Variants in BTBD8 observed in about 807,000 individuals in gnomAD.
BTBD8 encodes BTB domain containing 8, also known as BTB/POZ domain-containing protein 8.
BTBD8 carries 110 observed loss-of-function variants against 162.9 expected under a neutral mutation model. The observed-to-expected ratio is 0.68, with a 90% CI of 0.58 to 0.79. The LOEUF is 0.79. Among genes scored for constraint, BTBD8 ranks in the 30% least tolerant of loss-of-function variants. The pLI is 0.00. For missense variants in BTBD8, 1,905 were observed against 2,085.4 expected (o/e 0.91, Z 1.68); for synonymous variants, 667 against 716.1 (o/e 0.93, Z 1.10).
chr1:92,169,005 C>G lies in BTBD8; in HGVS notation c.1573+10C>G. ...CAGAAAATCCAAGCAGGTACGTTAG[C>G]CTTGAGATATTTCAATTCTTATGTA... On this transcript the variant is annotated intron_variant, in intron 12 of 17. Transcript: ENST00000636805. 6.6e-7 allele frequency: 1 copy of G among 1,515,420 alleles called. No individual in the cohort carries two copies. Among genetic ancestry groups the G allele is most frequent in the South Asian group, 1.2e-5 (1 of 80,604 alleles). The allele number at this position is 1,515,420 out of a possible 1,614,324, so 93.9% of individuals were successfully genotyped here.
chr1:92,107,491 G>A (rs1208783208), intron 3 of BTBD8, among the ~76,000 whole-genome samples: 1 of 152,118 alleles, frequency 6.6e-6, no homozygotes, highest in Non-Finnish European at 1.5e-5. Context: ...GTAACATGCG[G>A]TACTGGTTTA....
At chr1:92,164,566 C>T (rs998092108) in intron 9 of BTBD8, among the ~76,000 whole-genome samples, 4 of 151,760 alleles carry the variant, frequency 2.6e-5, no homozygotes, top group Non-Finnish European at 5.9e-5. Context: ...TTACAGTGAG[C>T]CGAGATTGCA....
chr1:92,160,550 A>G (rs1431605334), intron 9 of BTBD8, among the ~76,000 whole-genome samples: 4 of 151,826 alleles, frequency 2.6e-5, no homozygotes, highest in Non-Finnish European at 2.9e-5. Flanking sequence ...TGCTAGTCCA[A>G]CTCACTTTCT....
At position 92,180,662 on chromosome 1, in the gene BTBD8, T is replaced by C; in HGVS notation, c.2979T>C (p.Asn993=). ...AGAAGCCTCACAAACCTCTCATTAA[T>C]CTTGCATCTGAAATAAGTGATGCAG... is the stretch of plus-strand genomic sequence containing the variant. ...SEQKPHKPLI[N]LASEISDAEA... Residue 993 remains asparagine, a synonymous_variant, in exon 17 of 18, where the codon AAT becomes AAC. Transcript: ENST00000636805. The C allele has an allele frequency of 6.4e-7, 1 of 1,551,404 alleles. No individual in the cohort carries two copies. The highest frequency in any genetic ancestry group is 8.7e-7 in the Non-Finnish European group (1 of 1,146,912).
At chr1:92,161,929 A>T (rs545249676) in intron 9 of BTBD8, among the ~76,000 whole-genome samples, 1 of 152,302 alleles carries the variant, frequency 6.6e-6, no homozygotes, top group Admixed American at 6.5e-5. Context: ...GCCTTATTAC[A>T]TATGATGTAC....
At chr1:92,138,596 A>G (rs1649688871) in intron 5 of BTBD8, among the ~76,000 whole-genome samples, 1 of 152,192 alleles carries the variant, frequency 6.6e-6, no homozygotes, top group Admixed American at 6.5e-5. Flanking sequence ...AGGAGAACAT[A>G]TATCAGATTA....
At chr1:92,097,052 C>G (rs1002414835) in intron 2 of BTBD8, among the ~76,000 whole-genome samples, 1 of 152,128 alleles carries the variant, frequency 6.6e-6, no homozygotes, top group Non-Finnish European at 1.5e-5. Context: ...GCTTTATTTT[C>G]CTCCCTGTTA....
At chr1:92,118,060 C>A (rs753320035) in intron 4 of BTBD8, among the ~76,000 whole-genome samples, 37 of 151,904 alleles carry the variant, frequency 2.4e-4, no homozygotes, top group Non-Finnish European at 8.8e-5. Flanking sequence ...TTCTCGTATA[C>A]CCCCACACCT....
chr1:92,156,540 A>G (rs1437426160), intron 9 of BTBD8, among the ~76,000 whole-genome samples: 1 of 152,150 alleles, frequency 6.6e-6, no homozygotes, highest in African/African-American at 2.4e-5. Flanking sequence ...TGAAGCCATC[A>G]GTAGAATTCA....
At chr1:92,177,990 T>G in intron 15 of BTBD8, 92 bp downstream of exon 15, 1 of 638,914 alleles carries the variant, frequency 1.6e-6, no homozygotes, top group African/African-American at 1.9e-5. Context: ...TTAAAATATC[T>G]TTTATTTTTT....
At chr1:92,115,605 A>C in intron 4 of BTBD8, 1 of 390,732 alleles carries the variant, frequency 2.6e-6, no homozygotes, top group East Asian at 6.5e-5. Context: ...ATTGATGTCA[A>C]GCTTCCTGTT....
rs566971011 is a variant in BTBD8 at position 92,118,213 on chromosome 1, G to A, written c.662+10212G>A. 6.7e-5 allele frequency among the ~76,000 whole-genome samples: 10 copies of A among 150,160 alleles called. 1 individual carries two copies. The highest frequency in any genetic ancestry group is 3.9e-4 in the East Asian group (2 of 5,134). On this transcript the variant is annotated intron_variant, in intron 4 of 17. Coordinates refer to ENST00000636805, the MANE Select transcript of BTBD8 (RefSeq NM_001376131.1). ...TTTTGTATTTGAGGAATCAATCCCC[G>A]ATCTCACATTATGCTTAGTTGTCCT...
chr1:92,095,293 C>A (rs146663578), intron 2 of BTBD8, among the ~76,000 whole-genome samples: 18 of 152,316 alleles, frequency 1.2e-4, no homozygotes, highest in African/African-American at 3.6e-4. Flanking sequence ...CAGCCCTGAT[C>A]CTGTTCAGTT....
In BTBD8 at chr1:92,180,524, A is replaced by G. The variant is rs1346986704; in HGVS notation, c.2841A>G (p.Ile947Met). The change falls in exon 17 of 18, where the codon ATA becomes ATG. Residue 947 changes from isoleucine (I) to methionine (M), a missense_variant. Physicochemically the swap from Ile to Met is conservative, Grantham distance 10 (BLOSUM62 1). This residue lies in a region of BTBD8 where 1,374 missense variants were observed against 1,442.7 expected (regional missense o/e 0.95). Coordinates refer to ENST00000636805, the MANE Select transcript of BTBD8 (RefSeq NM_001376131.1). Reference sequence around the variant, plus strand: ...AGAAAATGCCTCCTGGACAGGTTATATCAAAAACTCAGCCTTCCTCCCAAA... The same window carrying G: ...AGAAAATGCCTCCTGGACAGGTTATGTCAAAAACTCAGCCTTCCTCCCAAA... Reference protein sequence around the residue: ...SKQKMPPGQVISKTQPSSQRP... With the variant: ...SKQKMPPGQVMSKTQPSSQRP... 1 of 1,551,664 alleles carries G rather than the reference A, an allele frequency of 6.4e-7. No homozygotes were observed. Among genetic ancestry groups the G allele is most frequent in the East Asian group, 2.4e-5 (1 of 40,912 alleles).
At chr1:92,104,905 T>G (rs1381738438) in intron 3 of BTBD8, among the ~76,000 whole-genome samples, 1 of 151,460 alleles carries the variant, frequency 6.6e-6, no homozygotes, top group Non-Finnish European at 1.5e-5. Flanking sequence ...AACCACTGAC[T>G]AAACATACCT....
chr1:92,164,643 A>G (rs1436395952), intron 9 of BTBD8, among the ~76,000 whole-genome samples: 3 of 147,830 alleles, frequency 2.0e-5, no homozygotes, highest in African/African-American at 4.9e-5. Flanking sequence ...GCACCACTGC[A>G]CTCCTGCCTG....
At chr1:92,148,486 T>A (rs1171990825) in intron 9 of BTBD8, among the ~76,000 whole-genome samples, 4 of 152,328 alleles carry the variant, frequency 2.6e-5, no homozygotes, top group Admixed American at 2.6e-4. Flanking sequence ...GAAGACTCAG[T>A]TACAGTGCCA....
chr1:92,101,052 T>G (rs1007593457), intron 2 of BTBD8, among the ~76,000 whole-genome samples: 5 of 152,184 alleles, frequency 3.3e-5, no homozygotes, highest in African/African-American at 1.2e-4. Context: ...GTATCCAATT[T>G]GTAGTCTTTT....
At chr1:92,118,401 G>C (rs1649102558) in intron 4 of BTBD8, among the ~76,000 whole-genome samples, 1 of 151,012 alleles carries the variant, frequency 6.6e-6, no homozygotes, top group South Asian at 2.1e-4. Flanking sequence ...ATGGATTATG[G>C]GTTTGGGACA....
Sources: gnomAD v4.1 joint callset for allele counts (sites outside exome capture counted in the v4.1 genomes callset) on GRCh38, gnomAD v4.1.1 for gene constraint, gnomAD v4.1.1 regional missense constraint, MANE v1.5 for transcripts, NCBI Gene and HGNC (gene_info 2026-07-23, HGNC 2026-07-21) for gene names.